The following NAV2 variants were observed in gnomAD, a reference collection of about 807,000 sequenced individuals.
The protein encoded by NAV2 is neuron navigator 2.
In NAV2, 54 loss-of-function variants were observed where a neutral mutation model predicts 223.2. That is an observed-to-expected ratio of 0.24 (90% confidence interval 0.19 to 0.30). The LOEUF is 0.30. Ranked by LOEUF, NAV2 falls within the 10% of genes least tolerant of loss-of-function variation. The pLI is 1.00. For synonymous variants in NAV2, 1,279 were observed against 1,239.3 expected (o/e 1.03, Z -0.67); for missense variants, 2,806 against 3,147.5 (o/e 0.89, Z 2.60).
intron 1 of NAV2, among the ~76,000 whole-genome samples, chr11:19,397,032 C>A (rs1409914212): frequency 6.6e-6 from 1 of 152,012 alleles, no homozygotes; most frequent in Non-Finnish European, 1.5e-5. Context: ...GTGGCTCTGC[C>A]CTGGATGAAG....
At chr11:19,819,543 C>T (rs1472964147) in intron 1 of NAV2, among the ~76,000 whole-genome samples, 2 of 152,204 alleles carry the variant, frequency 1.3e-5, no homozygotes, top group South Asian at 2.1e-4. Context: ...ACCAGGGAGG[C>T]ACATGGGACC....
In NAV2 at chr11:20,037,910, G is replaced by C. The variant is rs576286080; in HGVS notation, c.2907+1813G>C. 1.8e-4 allele frequency among the ~76,000 whole-genome samples: 11 copies of C among 59,832 alleles called. No homozygotes were observed. The South Asian group carries it at 0.011, about 57-fold the overall frequency. 39.3% of individuals were successfully genotyped at this position (59,832 alleles called of 152,430 possible). A position where few individuals can be genotyped will look rare whatever the true frequency, so the allele number is the denominator to read the frequency against. ...AACCAGACTGTCCTTAGATACTAAG[G>C]AAGGAACCAAGGAATTGCTCACCCT... is the stretch of plus-strand genomic sequence containing the variant. On this transcript the variant is annotated intron_variant, in intron 12 of 37. Coordinates refer to ENST00000349880, the MANE Select transcript of NAV2 (RefSeq NM_145117.5).
chr11:19,374,449 T>C (rs1360704014), intron 1 of NAV2, among the ~76,000 whole-genome samples: 3 of 152,040 alleles, frequency 2.0e-5, no homozygotes, highest in Non-Finnish European at 4.4e-5. Context: ...GATGGTCACA[T>C]GGCACCATAG....
chr11:19,911,664 T>A (rs2043326222), intron 6 of NAV2, among the ~76,000 whole-genome samples: 1 of 152,106 alleles, frequency 6.6e-6, no homozygotes, highest in South Asian at 2.1e-4. Flanking sequence ...CTTCATCAGT[T>A]CCAAATTGAC....
Position 19,805,917 on chromosome 11 carries a change from G to A in NAV2, c.268-26567G>A, listed in dbSNP as rs539042287. On this transcript the variant is annotated intron_variant, in intron 1 of 37. Transcript: ENST00000349880. ...AAGTGACAGAGCCAGAATTCAAACCGACTTCTGCCTAGAATCAAAGCCTGG... is the reference window on the plus strand; with the variant it reads ...AAGTGACAGAGCCAGAATTCAAACCAACTTCTGCCTAGAATCAAAGCCTGG... Among the ~76,000 whole-genome samples, 15 of 152,268 alleles carry A rather than the reference G, an allele frequency of 9.9e-5. No individual in the cohort carries two copies. In the South Asian group the frequency reaches 1.2e-3, roughly 13 times the overall value.
chr11:19,694,346 C>A (rs745579944), intron 1 of NAV2, among the ~76,000 whole-genome samples: 3 of 152,214 alleles, frequency 2.0e-5, no homozygotes, highest in Admixed American at 6.5e-5. Flanking sequence ...CCCTCAGACA[C>A]AACCAGCTCT....
intron 1 of NAV2, among the ~76,000 whole-genome samples, chr11:19,602,764 C>T (rs2046381649): frequency 6.6e-6 from 1 of 152,176 alleles, no homozygotes; most frequent in Admixed American, 6.5e-5. Flanking sequence ...TGTATCTTCT[C>T]CCCTTCTCTT....
At chr11:19,448,966 C>T (rs1851688792) in intron 1 of NAV2, among the ~76,000 whole-genome samples, 1 of 152,002 alleles carries the variant, frequency 6.6e-6, no homozygotes, top group South Asian at 2.1e-4. Context: ...TAAAATAAAC[C>T]ACCCAGTATT....
chr11:19,761,322 G>A (rs2054717306), intron 1 of NAV2, among the ~76,000 whole-genome samples: 1 of 152,196 alleles, frequency 6.6e-6, no homozygotes, highest in East Asian at 1.9e-4. Flanking sequence ...CTTATGGAGA[G>A]ATGTAGACAA....
At chr11:19,585,518 G>T (rs936830569) in intron 1 of NAV2, among the ~76,000 whole-genome samples, 2 of 152,130 alleles carry the variant, frequency 1.3e-5, no homozygotes, top group African/African-American at 2.4e-5. Context: ...GGCTGGTACC[G>T]GTTGTTCCTT....
chr11:19,777,161 T>C (rs1454281922), intron 1 of NAV2, among the ~76,000 whole-genome samples: 1 of 146,156 alleles, frequency 6.8e-6, no homozygotes, highest in South Asian at 2.3e-4. Context: ...GAGCGGGCGC[T>C]TGGACACAGG....
chr11:20,015,624 C>A (rs567761461), intron 11 of NAV2, among the ~76,000 whole-genome samples: 1 of 152,264 alleles, frequency 6.6e-6, no homozygotes, highest in Non-Finnish European at 1.5e-5. Context: ...CCCACATACA[C>A]CCAATTATAA....
intron 1 of NAV2, among the ~76,000 whole-genome samples, chr11:19,547,012 T>C (rs1417177281): frequency 6.6e-6 from 1 of 152,238 alleles, no homozygotes; most frequent in Non-Finnish European, 1.5e-5. Context: ...CTCTTCAGAA[T>C]GGCAGGCATA....
chr11:19,840,207 C>A (rs749807536), intron 2 of NAV2, among the ~76,000 whole-genome samples: 1 of 152,086 alleles, frequency 6.6e-6, no homozygotes, highest in East Asian at 1.9e-4. Context: ...CCCGTGTACT[C>A]TTTAGAGTGG....
rs754921777 is a variant in NAV2 at position 20,103,691 on chromosome 11, C to T, written c.6611C>T (p.Ser2204Leu). The T allele has an allele frequency of 6.2e-6, 10 of 1,614,036 alleles. No homozygotes were observed. The highest frequency in any genetic ancestry group is 2.2e-5 in the East Asian group (1 of 44,890). ...GGCACAATGAACCAGGCTACCTCTT[C>T]GACTCCCAACCTGCAGCTTCACCAT... ...IIGTMNQATSSTPNLQLHHNF... is the reference protein window; with the variant it reads ...IIGTMNQATSLTPNLQLHHNF... The change falls in exon 34 of 38, where the codon TCG (serine) becomes TTG (leucine). Residue 2204 changes from serine (S) to leucine (L), a missense_variant. Physicochemically the swap from Ser to Leu is moderately radical, Grantham distance 145. This residue lies in a region of NAV2 where 824 missense variants were observed against 1,069.4 expected (regional missense o/e 0.77). Coordinates refer to ENST00000349880, the MANE Select transcript of NAV2 (RefSeq NM_145117.5).
intron 1 of NAV2, among the ~76,000 whole-genome samples, chr11:19,457,831 G>T (rs1164321568): frequency 6.6e-6 from 1 of 152,182 alleles, no homozygotes; most frequent in African/African-American, 2.4e-5. Context: ...CCACCCTGAA[G>T]GGTCTTGCAG....
Position 20,029,913 on chromosome 11 carries a change from A to G in NAV2, c.2769-6046A>G, listed in dbSNP as rs569307281. On this transcript the variant is annotated intron_variant, in intron 11 of 37. Coordinates refer to ENST00000349880, the MANE Select transcript of NAV2 (RefSeq NM_145117.5). Reference sequence around the variant, plus strand: ...TACATAGCTGTGATCTGGTTAGGAAATCATGCTTTTGTGTTGATTGTTCTG... The same window carrying G: ...TACATAGCTGTGATCTGGTTAGGAAGTCATGCTTTTGTGTTGATTGTTCTG... 5.3e-5 allele frequency among the ~76,000 whole-genome samples: 8 copies of G among 152,364 alleles called. No homozygotes were observed. In the South Asian group the frequency reaches 1.7e-3, roughly 32 times the overall value.
chr11:19,404,704 C>T (rs1185742835), intron 1 of NAV2, among the ~76,000 whole-genome samples: 1 of 152,170 alleles, frequency 6.6e-6, no homozygotes, highest in Non-Finnish European at 1.5e-5. Flanking sequence ...AACACTAACT[C>T]TTAATTTTTA....
At chr11:20,056,389 G>T (rs2058368455) in intron 19 of NAV2, 1 of 669,728 alleles carries the variant, frequency 1.5e-6, no homozygotes, top group African/African-American at 1.8e-5. Context: ...ACGCCTTTCT[G>T]CTCTGCTCCA....
Sources: allele counts gnomAD v4.1 joint callset (sites outside exome capture counted in the v4.1 genomes callset), GRCh38; gene constraint gnomAD v4.1.1; regional missense constraint gnomAD v4.1.1; transcripts MANE v1.5; gene names NCBI Gene and HGNC (gene_info 2026-07-23, HGNC 2026-07-21).